The following SGCZ variants were observed in gnomAD, a reference collection of about 807,000 sequenced individuals.
SGCZ encodes the protein zeta-sarcoglycan.
In SGCZ, 40 loss-of-function variants were observed where a neutral mutation model predicts 41.3. That is an observed-to-expected ratio of 0.97 (90% CI 0.75 to 1.26). SGCZ has a LOEUF of 1.26. Ranked by LOEUF, SGCZ falls within the 50% of genes most tolerant of loss-of-function variation. The pLI, the probability that SGCZ is intolerant of heterozygous loss-of-function variation, is 0.00. For missense variants in SGCZ, 552 were observed against 369.8 expected, an observed-to-expected ratio of 1.49 and a Z score of -4.04; for synonymous variants, 206 against 137.5, an observed-to-expected ratio of 1.50 and a Z score of -3.49.
intron 3 of SGCZ, among the ~76,000 whole-genome samples, chr8:14,254,041 T>C (rs1052040449): frequency 6.6e-6 from 1 of 152,168 alleles, no homozygotes; most frequent in African/African-American, 2.4e-5. Flanking sequence ...TCCAAAAAGA[T>C]ATTAAATATG....
chr8:15,148,862 C>T (rs1799103728), intron 1 of SGCZ, among the ~76,000 whole-genome samples: 1 of 152,124 alleles, frequency 6.6e-6, no homozygotes, highest in African/African-American at 2.4e-5. Context: ...TACCACTTGC[C>T]CCTCACACTG....
rs990910897 is a variant in SGCZ, at chr8:15,238,271, G to A, written c.-648C>T. ...CAGAAGGGAACGTTCTCCTTTGAAG[G>A]TTATGCTAAAAGAGTTGAGGGAATA... On this transcript the variant is annotated 5_prime_UTR_variant, in exon 1 of 8. Transcript: ENST00000382080. 2 of 152,204 alleles carry A rather than the reference G, an allele frequency of 1.3e-5. No individual in the cohort carries two copies. The highest frequency in any genetic ancestry group is 2.9e-5 in the Non-Finnish European group (2 of 68,054). The allele number at this position is 152,204 out of a possible 1,614,324, so 9.4% of individuals were successfully genotyped here.
At chr8:14,374,497 G>A (rs1054274524) in intron 2 of SGCZ, among the ~76,000 whole-genome samples, 1 of 152,110 alleles carries the variant, frequency 6.6e-6, no homozygotes, top group African/African-American at 2.4e-5. Flanking sequence ...AAATAAGAAT[G>A]GTCATCTTCT....
At chr8:14,528,305 T>C (rs928092962) in intron 2 of SGCZ, among the ~76,000 whole-genome samples, 1 of 152,068 alleles carries the variant, frequency 6.6e-6, no homozygotes, top group African/African-American at 2.4e-5. Flanking sequence ...ATCTGGGATA[T>C]GAGAAAGCAT....
At chr8:14,971,742 C>A (rs571141144) in intron 1 of SGCZ, among the ~76,000 whole-genome samples, 1 of 150,924 alleles carries the variant, frequency 6.6e-6, no homozygotes, top group African/African-American at 2.4e-5. Flanking sequence ...CTCCACCTCC[C>A]GGGTTCAAGT....
intron 3 of SGCZ, among the ~76,000 whole-genome samples, chr8:14,243,166 C>T (rs1798951856): frequency 6.6e-6 from 1 of 152,192 alleles, no homozygotes; most frequent in South Asian, 2.1e-4. Flanking sequence ...TCTGAAAGAA[C>T]ATCACTAGTG....
rs547543996 is a variant in SGCZ at position 14,608,670 on chromosome 8, T to A, written c.40-53744A>T. On this transcript the variant is annotated intron_variant, in intron 1 of 7. Coordinates refer to ENST00000382080, the MANE Select transcript of SGCZ (RefSeq NM_139167.4). ...ACATTTGGTGGGCTGGTGGAAGCTG[T>A]TTGGGTCATGGGGGTGGATTCCTCA... Among the ~76,000 whole-genome samples the A allele has an allele frequency of 2.0e-5, 3 of 152,218 alleles. No individual in the cohort carries two copies. The South Asian group carries it at 6.2e-4, about 32-fold the overall frequency.
chr8:15,134,860 C>A (rs1374480321), intron 1 of SGCZ, among the ~76,000 whole-genome samples: 1 of 152,134 alleles, frequency 6.6e-6, no homozygotes, highest in Non-Finnish European at 1.5e-5. Flanking sequence ...ATTACGGAAT[C>A]ATTATGCATT....
At chr8:14,677,083 A>G (rs530891700) in intron 1 of SGCZ, among the ~76,000 whole-genome samples, 87 of 152,246 alleles carry the variant, frequency 5.7e-4, no homozygotes, top group African/African-American at 2.1e-3. Flanking sequence ...CTGACCAAAA[A>G]AAAACCTCTC....
At chr8:14,217,632 T>G (rs1201601977) in intron 4 of SGCZ, among the ~76,000 whole-genome samples, 2 of 126,922 alleles carry the variant, frequency 1.6e-5, no homozygotes, top group Admixed American at 7.9e-5. Flanking sequence ...ACTAAAGTTT[T>G]TTTTTTTTTT....
intron 1 of SGCZ, among the ~76,000 whole-genome samples, chr8:14,743,835 G>T (rs1419608614): frequency 6.6e-6 from 1 of 152,168 alleles, no homozygotes; most frequent in African/African-American, 2.4e-5. Flanking sequence ...CTAAAAAAGT[G>T]AAAACTATGA....
intron 2 of SGCZ, among the ~76,000 whole-genome samples, chr8:14,345,797 G>C (rs1563270628): frequency 6.6e-6 from 1 of 152,114 alleles, no homozygotes. Flanking sequence ...CCTAGATCAT[G>C]ATTCTAGACC....
chr8:14,841,014 A>C lies in SGCZ; in HGVS notation c.40-286088T>G, dbSNP rs1394764406. Among the ~76,000 whole-genome samples, 6 of 152,234 alleles carry C rather than the reference A, an allele frequency of 3.9e-5. No homozygotes were observed. In the East Asian group the frequency reaches 1.2e-3, roughly 29 times the overall value. ...ACAATTTTCATCCTACAAATAAAGA[A>C]ATTTTATCAATGTGTAAACATTTTG... On this transcript the variant is annotated intron_variant, in intron 1 of 7. Coordinates refer to ENST00000382080, the MANE Select transcript of SGCZ (RefSeq NM_139167.4).
intron 1 of SGCZ, among the ~76,000 whole-genome samples, chr8:14,862,768 G>A (rs751309204): frequency 4.7e-4 from 72 of 151,686 alleles, no homozygotes; most frequent in African/African-American, 6.5e-4. Context: ...GTGTACTGAC[G>A]AGAGCAGGAG....
At chr8:14,654,315 T>G (rs1158457483) in intron 1 of SGCZ, among the ~76,000 whole-genome samples, 1 of 152,054 alleles carries the variant, frequency 6.6e-6, no homozygotes. Flanking sequence ...TGTCACTTAT[T>G]TCTGATGCTA....
intron 1 of SGCZ, among the ~76,000 whole-genome samples, chr8:14,731,735 C>G (rs1333270697): frequency 6.6e-6 from 1 of 151,928 alleles, no homozygotes; most frequent in East Asian, 1.9e-4. Context: ...AATTTTTGTT[C>G]ATTTCTGGGT....
chr8:14,822,844 C>T (rs1209547931), intron 1 of SGCZ, among the ~76,000 whole-genome samples: 4 of 151,918 alleles, frequency 2.6e-5, no homozygotes, highest in Non-Finnish European at 4.4e-5. Context: ...AAGGCTTCAG[C>T]GCAGCTCGTG....
intron 3 of SGCZ, among the ~76,000 whole-genome samples, chr8:14,280,790 T>G (rs1212766243): frequency 1.1e-5 from 1 of 91,012 alleles, no homozygotes; most frequent in Non-Finnish European, 2.2e-5. Context: ...TCAGTGCTTT[T>G]AAACTATAGG....
rs1251431367 is a variant in SGCZ, at chr8:14,713,823, T to G, written c.40-158897A>C. Among the ~76,000 whole-genome samples the G allele has an allele frequency of 2.0e-5, 3 of 152,164 alleles. No individual in the cohort carries two copies. The East Asian group carries it at 5.8e-4, about 29-fold the overall frequency. On this transcript the variant is annotated intron_variant, in intron 1 of 7. Transcript: ENST00000382080. ...AGATTTTAAGTGTAATTTTTGGGAG[T>G]CCTTCAGGGAAAAATAAAACATCCC...
Sources: allele counts gnomAD v4.1 joint callset (sites outside exome capture counted in the v4.1 genomes callset), GRCh38; gene constraint gnomAD v4.1.1; transcripts MANE v1.5; gene names NCBI Gene and HGNC (gene_info 2026-07-23, HGNC 2026-07-21).